RFFL: variants seen among roughly 807,000 people sequenced by gnomAD.
RFFL encodes E3 ubiquitin-protein ligase rififylin.
RFFL carries 16 observed loss-of-function variants against 40.4 expected under a neutral mutation model. That is an observed-to-expected ratio of 0.40 (90% confidence interval 0.27 to 0.60). The LOEUF (loss-of-function observed/expected upper bound fraction) is 0.60. RFFL is among the 20% of genes least tolerant of loss of function. The pLI is 0.47. For synonymous variants in RFFL, 154 were observed against 167.9 expected, an observed-to-expected ratio of 0.92 and a Z score of 0.64; for missense variants, 367 against 451.7, an observed-to-expected ratio of 0.81 and a Z score of 1.70.
chr17:35,081,966 T>C (rs1241600095), intron 1 of RFFL, among the ~76,000 whole-genome samples: 1 of 152,194 alleles, frequency 6.6e-6, no homozygotes, highest in East Asian at 1.9e-4. Flanking sequence ...ATAAACAGAT[T>C]CATGGTTTAG....
chr17:35,078,901 A>G (rs2142384928), intron 1 of RFFL, among the ~76,000 whole-genome samples: 1 of 151,902 alleles, frequency 6.6e-6, no homozygotes, highest in South Asian at 2.1e-4. Context: ...AATCACGTGA[A>G]CCCAGGAGGC....
chr17:35,040,835 T>C (rs2091159426), intron 1 of RFFL, among the ~76,000 whole-genome samples: 1 of 145,878 alleles, frequency 6.9e-6, no homozygotes, highest in East Asian at 2.0e-4. Context: ...ACATCAGCTT[T>C]AATGTCTTTT....
At position 35,086,937 on chromosome 17, in the gene RFFL, G is replaced by A. The variant is rs141739270; in HGVS notation, c.-9+2168C>T. Among the ~76,000 whole-genome samples, 1,151 of 152,310 alleles carry A rather than the reference G, an allele frequency of 7.6e-3. 14 individuals carry two copies. Among genetic ancestry groups the A allele is most frequent in the African/African-American group, 0.027 (1,102 of 41,558 alleles). ...TCTTAGGCATGACGCTCATAGAGAT[G>A]GGTGTGACTGTATTTAAATAACAAT... On this transcript the variant is annotated intron_variant, in intron 1 of 6. Coordinates refer to the RFFL transcript ENST00000315249.
rs1335707342 is a variant in RFFL, at chr17:35,011,081, T to C, written c.*887A>G. On this transcript the variant is annotated 3_prime_UTR_variant, in exon 7 of 7. Coordinates refer to ENST00000394597, the MANE Select transcript of RFFL (RefSeq NM_001017368.2). ...GCGAAAAGTGGCTTAAGACTTCTAGTTGGGAAAAGGATCAGAAGCCAAGCC... is the reference window on the plus strand; with the variant it reads ...GCGAAAAGTGGCTTAAGACTTCTAGCTGGGAAAAGGATCAGAAGCCAAGCC... 6.6e-6 allele frequency: 1 copy of C among 152,192 alleles called. No homozygotes were observed. Among genetic ancestry groups the C allele is most frequent in the Non-Finnish European group, 1.5e-5 (1 of 68,036 alleles). The allele number at this position is 152,192 out of a possible 1,614,324, so 9.4% of individuals were successfully genotyped here. A position where few individuals can be genotyped will look rare whatever the true frequency, so the allele number is the denominator to read the frequency against.
Position 35,014,782 on chromosome 17 carries a change from GA to G in RFFL, c.887-20del. Reference sequence around the variant, plus strand: ...CCACTGACTGAAAAGGAAAGAGAAGGATGTCTGAATAGGTAAGGCATGATGG... The same window carrying G: ...CCACTGACTGAAAAGGAAAGAGAAGGTGTCTGAATAGGTAAGGCATGATGG... On this transcript the variant is annotated intron_variant, in intron 5 of 6. Coordinates refer to ENST00000394597, the MANE Select transcript of RFFL (RefSeq NM_001017368.2). The G allele has an allele frequency of 6.2e-7, 1 of 1,611,686 alleles. No individual in the cohort carries two copies. The highest frequency in any genetic ancestry group is 1.1e-5 in the South Asian group (1 of 91,028).
chr17:35,040,865 G>GGTGT (rs10578625), intron 1 of RFFL, among the ~76,000 whole-genome samples: 47 of 63,856 alleles, frequency 7.4e-4, no homozygotes, highest in African/African-American at 1.7e-3. Flanking sequence ...TTTTTTTTTT[G>GGTGT]GTGTGTGTGT....
intron 4 of RFFL, 84 bp from the exon 5 acceptor site, chr17:35,016,664 T>A: frequency 8.8e-7 from 1 of 1,130,172 alleles, no homozygotes; most frequent in Non-Finnish European, 1.3e-6. Flanking sequence ...AGTCACCACA[T>A]CATAATTTTG....
chr17:35,069,535 G>A, intron 1 of RFFL: 1 of 345,924 alleles, frequency 2.9e-6, no homozygotes, highest in Non-Finnish European at 5.7e-6. Flanking sequence ...ACTGAACTGT[G>A]TACTTCAGTA....
intron 1 of RFFL, among the ~76,000 whole-genome samples, chr17:35,084,582 G>C (rs978545567): frequency 1.2e-4 from 17 of 147,338 alleles, no homozygotes; most frequent in Admixed American, 1.1e-3. Flanking sequence ...TGACAGAGCT[G>C]AGACTGTCTC....
chr17:35,087,961 A>C (rs1464885797), intron 1 of RFFL, among the ~76,000 whole-genome samples: 1 of 152,192 alleles, frequency 6.6e-6, no homozygotes, highest in Admixed American at 6.5e-5. Context: ...AATTCAGCCC[A>C]GTACCTTGTC....
chr17:35,012,248 G>A, intron 6 of RFFL, 99 bp from the exon 7 acceptor site: 1 of 1,010,872 alleles, frequency 9.9e-7, no homozygotes. Context: ...GAGATAACAG[G>A]TACATTGTAA....
At chr17:35,071,203 A>AC (rs2091348063) in intron 1 of RFFL, among the ~76,000 whole-genome samples, 1 of 151,952 alleles carries the variant, frequency 6.6e-6, no homozygotes, top group Non-Finnish European at 1.5e-5. Flanking sequence ...AACTCAAAAA[A>AC]AAAAAAAAAA....
chr17:35,045,966 C>T (rs1051872761), intron 1 of RFFL, among the ~76,000 whole-genome samples: 2 of 146,792 alleles, frequency 1.4e-5, no homozygotes, highest in Admixed American at 1.4e-4. Context: ...GCGGAGGTTG[C>T]GGTGAGCCAA....
At chr17:35,029,971 T>C (rs561837965) in intron 1 of RFFL, among the ~76,000 whole-genome samples, 1 of 151,308 alleles carries the variant, frequency 6.6e-6, no homozygotes, top group South Asian at 2.1e-4. Flanking sequence ...AATAGTTTAC[T>C]GAGAATGATG....
intron 1 of RFFL, among the ~76,000 whole-genome samples, chr17:35,084,017 T>G (rs1325060596): frequency 6.6e-6 from 1 of 152,126 alleles, no homozygotes; most frequent in Non-Finnish European, 1.5e-5. Context: ...GGCAGGTGGA[T>G]CACCTGAGGT....
In RFFL at chr17:35,011,157, T is replaced by C. The variant is rs2090935628; in HGVS notation, c.*811A>G. The C allele has an allele frequency of 6.6e-6, 1 of 152,204 alleles. No homozygotes were observed. Among genetic ancestry groups the C allele is most frequent in the Non-Finnish European group, 1.5e-5 (1 of 68,034 alleles). The allele number at this position is 152,204 out of a possible 1,614,324, so 9.4% of individuals were successfully genotyped here. A position where few individuals can be genotyped will look rare whatever the true frequency, so the allele number is the denominator to read the frequency against. ...CCACCCATTGCTTCCCCTTTCCGCA[T>C]AAACTAAGGATGGTGCAAATCAGGT... On this transcript the variant is annotated 3_prime_UTR_variant, in exon 7 of 7. Coordinates refer to ENST00000394597, the MANE Select transcript of RFFL (RefSeq NM_001017368.2).
In RFFL at chr17:35,026,435, G is replaced by T; in HGVS notation, c.119C>A (p.Pro40Gln). ...SNPGYSSFPS[P>Q]TGLEPSCKSC... ...CTTGCAGCTTGGTTCCAAGCCTGTT[G>T]GGGAAGGGAAGGAGCTGTACCCAGG... Residue 40 changes from proline to glutamine, a missense_variant, in exon 2 of 7, where the codon CCA becomes CAA. Transcript: ENST00000394597. 6.2e-7 allele frequency: 1 copy of T among 1,613,952 alleles called. No homozygotes were observed. Among genetic ancestry groups the T allele is most frequent in the Non-Finnish European group, 8.5e-7 (1 of 1,179,900 alleles).
intron 1 of RFFL, among the ~76,000 whole-genome samples, chr17:35,045,796 G>A (rs1362178879): frequency 6.6e-6 from 1 of 152,028 alleles, no homozygotes; most frequent in Non-Finnish European, 1.5e-5. Flanking sequence ...GGCTGAAGCC[G>A]GCGGATCACC....
intron 1 of RFFL, among the ~76,000 whole-genome samples, chr17:35,085,515 C>G (rs1206843345): frequency 6.6e-6 from 1 of 152,142 alleles, no homozygotes. Context: ...CTGCAACCTC[C>G]GTCTCCCAGG....
Sources: gnomAD v4.1 joint callset for allele counts (sites outside exome capture counted in the v4.1 genomes callset) on GRCh38, gnomAD v4.1.1 for gene constraint, MANE v1.5 for transcripts, NCBI Gene and HGNC (gene_info 2026-07-23, HGNC 2026-07-21) for gene names.